Variants in DMWD observed in about 807,000 individuals in gnomAD.
The protein encoded by DMWD is dystrophia myotonica WD repeat-containing protein.
Under a neutral mutation model 45.8 loss-of-function variants are expected in DMWD, and 19 were observed. The observed-to-expected ratio is 0.41, with a 90% CI of 0.29 to 0.61. The LOEUF (loss-of-function observed/expected upper bound fraction) is 0.61. Ranked by LOEUF, DMWD falls within the 20% of genes least tolerant of loss-of-function variation. DMWD has a pLI of 0.25. For synonymous variants in DMWD, 515 were observed against 440.5 expected, an observed-to-expected ratio of 1.17 and a Z score of -2.12; for missense variants, 802 against 965.2, an observed-to-expected ratio of 0.83 and a Z score of 2.24.
At position 45,792,757 on chromosome 19, in the gene DMWD, CT is replaced by C; in HGVS notation, c.-2del. The C allele has an allele frequency of 8.9e-7, 1 of 1,128,696 alleles. No individual in the cohort carries two copies. Among genetic ancestry groups the C allele is most frequent in the Non-Finnish European group, 1.1e-6 (1 of 921,728 alleles). 69.9% of individuals were successfully genotyped at this position (1,128,696 alleles called of 1,614,324 possible). On this transcript the variant is annotated 5_prime_UTR_variant, in exon 1 of 5. Coordinates refer to ENST00000270223, the MANE Select transcript of DMWD (RefSeq NM_004943.2). The stretch of plus-strand genomic sequence containing the variant: ...CGCCCTCCGCGCCGCCCGCCGCCAT[CT>C]TGGGCGCCCCCCGGGCCCCGCCACT...
At position 45,791,490 on chromosome 19, in the gene DMWD, G is replaced by A. The variant is rs75285856; in HGVS notation, c.442-403C>T. On this transcript the variant is annotated intron_variant, in intron 1 of 4. Coordinates refer to ENST00000270223, the MANE Select transcript of DMWD (RefSeq NM_004943.2). ...CTATTCCAAGACCCCCAAACCTTGA[G>A]GTCACCCAAATTTCCAGGACTCTAA... 3.8e-3 allele frequency among the ~76,000 whole-genome samples: 584 copies of A among 152,126 alleles called. 15 individuals are homozygous for A. The East Asian group carries it at 0.052, about 14-fold the overall frequency.
rs774761042 is a variant in DMWD at position 45,786,519 on chromosome 19, A to C, written c.977T>G (p.Phe326Cys). The change falls in exon 3 of 5, where the codon TTT becomes TGT. Residue 326 changes from phenylalanine (F) to cysteine (C), a missense_variant. Coordinates refer to ENST00000270223, the MANE Select transcript of DMWD (RefSeq NM_004943.2). ...MLLRGLMKSY[F>C]GGLLCVCWSP... Reference sequence around the variant, plus strand: ...CCAGCACACACACAGCAGGCCCCCAAAGTAGCTCTTCATGAGCCCACGCAG... The same window carrying C: ...CCAGCACACACACAGCAGGCCCCCACAGTAGCTCTTCATGAGCCCACGCAG... 6.2e-7 allele frequency: 1 copy of C among 1,614,036 alleles called. No individual in the cohort carries two copies. The highest frequency in any genetic ancestry group is 1.1e-5 in the South Asian group (1 of 91,082).
chr19:45,783,391 A>G lies in DMWD; in HGVS notation c.*852T>C, dbSNP rs1970210347. The G allele has an allele frequency of 2.5e-6, 1 of 393,516 alleles. No homozygotes were observed. 24.4% of individuals were successfully genotyped at this position (393,516 alleles called of 1,614,324 possible). Reference sequence around the variant, plus strand: ...AGGCCTGAGAAACTAGGAGGCAAGGACCGAGGAGTCCCAGCTGGGCAGGGC... The same window carrying G: ...AGGCCTGAGAAACTAGGAGGCAAGGGCCGAGGAGTCCCAGCTGGGCAGGGC... On this transcript the variant is annotated 3_prime_UTR_variant, in exon 5 of 5. Coordinates refer to ENST00000270223, the MANE Select transcript of DMWD (RefSeq NM_004943.2).
intron 4 of DMWD, 87 bp downstream of exon 4, chr19:45,784,554 G>GGTAAGC (rs1568591144): frequency 6.2e-7 from 1 of 1,605,680 alleles, no homozygotes; most frequent in Admixed American, 1.7e-5. Flanking sequence ...TAAGGGTAAG[G>GGTAAGC]GTGGGAGGGG....
chr19:45,792,548 C>CCGGAGG lies in DMWD; in HGVS notation c.203_208dup (p.Ala68_Ser69dup). On this transcript the variant is annotated inframe_insertion, in exon 1 of 5. Transcript: ENST00000270223. The stretch of plus-strand genomic sequence containing the variant: ...CGACGCGGGGCCTGCAGCGCCGGGA[C>CCGGAGG]CGGAGGCGGAGGCAGGGCCGGGCGG... 8.5e-7 allele frequency: 1 copy of CCGGAGG among 1,176,954 alleles called. No individual in the cohort carries two copies. Among genetic ancestry groups the CCGGAGG allele is most frequent in the South Asian group, 3.0e-5 (1 of 33,206 alleles). The allele number at this position is 1,176,954 out of a possible 1,614,324, so 72.9% of individuals were successfully genotyped here.
Position 45,783,593 on chromosome 19 carries a change from C to T in DMWD, c.*650G>A, listed in dbSNP as rs979333811. On this transcript the variant is annotated 3_prime_UTR_variant, in exon 5 of 5. Coordinates refer to ENST00000270223, the MANE Select transcript of DMWD (RefSeq NM_004943.2). ...GTTCCCTCCCTGGGCTCCGGCTTTT[C>T]CTGCTATGAAAAGGGGTGGGAGGCG... The T allele has an allele frequency of 4.8e-5, 19 of 398,784 alleles. No individual in the cohort carries two copies. The highest frequency in any genetic ancestry group is 1.3e-3 in the Middle Eastern group (2 of 1,588). The allele number at this position is 398,784 out of a possible 1,614,324, so 24.7% of individuals were successfully genotyped here.
At chr19:45,786,979 C>T (rs1970289078) in intron 2 of DMWD, 108 bp from the exon 3 acceptor site, 3 of 1,494,190 alleles carry the variant, frequency 2.0e-6, no homozygotes, top group Non-Finnish European at 2.7e-6. Flanking sequence ...CCCGCTCACA[C>T]AGCAGGTGCC....
intron 1 of DMWD, among the ~76,000 whole-genome samples, chr19:45,791,934 A>G (rs1970360878): frequency 6.6e-6 from 1 of 151,986 alleles, no homozygotes; most frequent in Admixed American, 6.6e-5. Flanking sequence ...CCAGGCTGCA[A>G]TACTGGGTTC....
rs1301628474 is a variant in DMWD at position 45,783,431 on chromosome 19, C to T, written c.*812G>A. 7.6e-6 allele frequency: 3 copies of T among 396,756 alleles called. No homozygotes were observed. Among genetic ancestry groups the T allele is most frequent in the Admixed American group, 4.4e-5 (1 of 22,680 alleles). 24.6% of individuals were successfully genotyped at this position (396,756 alleles called of 1,614,324 possible). On this transcript the variant is annotated 3_prime_UTR_variant, in exon 5 of 5. Transcript: ENST00000270223. ...CTGGGCAGGGCCTGGGAAACGTGGTCCTGGGCAGTTCTGATAATTTAAAAA... is the reference window on the plus strand; with the variant it reads ...CTGGGCAGGGCCTGGGAAACGTGGTTCTGGGCAGTTCTGATAATTTAAAAA...
Position 45,786,280 on chromosome 19 carries a change from C to T in DMWD, c.1216G>A (p.Glu406Lys), listed in dbSNP as rs781251907. ...RSGEEEEEEP[E>K]AAGTGSAGGA... ...CCGGCCGAGCCTGTGCCCGCAGCCT[C>T]GGGCTCCTCCTCCTCCTCTTCGCCG... is the stretch of plus-strand genomic sequence containing the variant. The change falls in exon 3 of 5, where the codon GAG (glutamate) becomes AAG (lysine). Residue 406 changes from glutamate to lysine, a missense_variant. Physicochemically the swap from Glu to Lys is moderately conservative, Grantham distance 56 (BLOSUM62 1). This residue lies in a region of DMWD where 67 missense variants were observed against 57.9 expected (regional missense o/e 1.16). Transcript: ENST00000270223. 12 of 1,605,148 alleles carry T rather than the reference C, an allele frequency of 7.5e-6. No individual in the cohort carries two copies. Among genetic ancestry groups the T allele is most frequent in the Middle Eastern group, 1.7e-4 (1 of 6,052 alleles).
chr19:45,784,059 G>C lies in DMWD; in HGVS notation c.*184C>G, dbSNP rs756085834. Reference sequence around the variant, plus strand: ...TGGGGGACAAGGCTGAGGCCACAAGGGCTATTACATCGCCCGTGTCCGGGC... The same window carrying C: ...TGGGGGACAAGGCTGAGGCCACAAGCGCTATTACATCGCCCGTGTCCGGGC... On this transcript the variant is annotated 3_prime_UTR_variant, in exon 5 of 5. Transcript: ENST00000270223. 3 of 655,090 alleles carry C rather than the reference G, an allele frequency of 4.6e-6. No individual in the cohort carries two copies. Among genetic ancestry groups the C allele is most frequent in the Non-Finnish European group, 8.2e-6 (3 of 367,824 alleles). 40.6% of individuals were successfully genotyped at this position (655,090 alleles called of 1,614,324 possible).
chr19:45,792,518 G>A lies in DMWD; in HGVS notation c.239C>T (p.Pro80Leu). 1.4e-5 allele frequency: 16 copies of A among 1,137,434 alleles called. No individual in the cohort carries two copies. The highest frequency in any genetic ancestry group is 1.7e-5 in the African/African-American group (1 of 60,534). 70.5% of individuals were successfully genotyped at this position (1,137,434 alleles called of 1,614,324 possible). A position where few individuals can be genotyped will look rare whatever the true frequency, so the allele number is the denominator to read the frequency against. ...GPGAAGPASS[P>L]PPAGPGPGPA... ...CCCGGGTCCGGGGCCTGCGGGCGGC[G>A]GGGACGACGCGGGGCCTGCAGCGCC... The change falls in exon 1 of 5, where the codon CCG (proline) becomes CTG (leucine). Residue 80 changes from proline (P) to leucine (L), a missense_variant. Physicochemically the swap from Pro to Leu is moderately conservative, Grantham distance 98 (BLOSUM62 -3). This residue lies in a region of DMWD where 151 missense variants were observed against 128.1 expected (regional missense o/e 1.18). Transcript: ENST00000270223.
chr19:45,784,035 G>A lies in DMWD; in HGVS notation c.*208C>T. The A allele has an allele frequency of 1.6e-6, 1 of 644,568 alleles. No homozygotes were observed. The highest frequency in any genetic ancestry group is 2.7e-6 in the Non-Finnish European group (1 of 364,160). 39.9% of individuals were successfully genotyped at this position (644,568 alleles called of 1,614,324 possible). ...GAGGTCATTGTACTTGGCAGTGGGT[G>A]GGGGACAAGGCTGAGGCCACAAGGG... On this transcript the variant is annotated 3_prime_UTR_variant, in exon 5 of 5. Transcript: ENST00000270223.
In DMWD at chr19:45,792,720, C is replaced by G. The variant is rs1970370290; in HGVS notation, c.37G>C (p.Gly13Arg). 3 of 1,201,554 alleles carry G rather than the reference C, an allele frequency of 2.5e-6. No homozygotes were observed. Among genetic ancestry groups the G allele is most frequent in the Non-Finnish European group, 3.1e-6 (3 of 954,156 alleles). 74.4% of individuals were successfully genotyped at this position (1,201,554 alleles called of 1,614,324 possible). A position where few individuals can be genotyped will look rare whatever the true frequency, so the allele number is the denominator to read the frequency against. Reference sequence around the variant, plus strand: ...TCCGCGCAGTCCCCCATGGCGGCGCCGGGGCCCGAGCCGCCCTCCGCGCCG... The same window carrying G: ...TCCGCGCAGTCCCCCATGGCGGCGCGGGGGCCCGAGCCGCCCTCCGCGCCG... ...AGGAEGGSGP[G>R]AAMGDCAEIK... Residue 13 changes from glycine (G) to arginine (R), a missense_variant, in exon 1 of 5, where the codon GGC becomes CGC. Physicochemically the swap from Gly to Arg is moderately radical, Grantham distance 125 (BLOSUM62 -2). Transcript: ENST00000270223.
Position 45,787,076 on chromosome 19 carries a change from A to G in DMWD, c.625-205T>C, listed in dbSNP as rs1336331560. 3.1e-6 allele frequency: 3 copies of G among 957,516 alleles called. No individual in the cohort carries two copies. The African/African-American group carries it at 5.0e-5, about 16-fold the overall frequency. 59.3% of individuals were successfully genotyped at this position (957,516 alleles called of 1,614,324 possible). ...AGGTCATGGAAACATGGGGAAACAG[A>G]GGCTGCTGCAAGGTGGCCACAGGGT... On this transcript the variant is annotated intron_variant, in intron 2 of 4. Transcript: ENST00000270223.
rs756207803 is a variant in DMWD at position 45,792,299 on chromosome 19, C to T, written c.441+17G>A. The T allele has an allele frequency of 2.5e-6, 4 of 1,601,228 alleles. No homozygotes were observed. Among genetic ancestry groups the T allele is most frequent in the South Asian group, 1.1e-5 (1 of 90,212 alleles). On this transcript the variant is annotated intron_variant, in intron 1 of 4. Coordinates refer to ENST00000270223, the MANE Select transcript of DMWD (RefSeq NM_004943.2). ...CATCCTTTCAGCACCCAGGGCCCCA[C>T]GATGCAGGCCGCTCACCCGTTGGCT...
intron 2 of DMWD, among the ~76,000 whole-genome samples, chr19:45,788,194 T>C (rs780034768): frequency 2.0e-5 from 3 of 152,210 alleles, no homozygotes; most frequent in Non-Finnish European, 4.4e-5. Context: ...CCTGGGCCTG[T>C]CTGTCCTCTG....
intron 4 of DMWD, 122 bp downstream of exon 4, chr19:45,784,519 G>A: frequency 6.7e-7 from 1 of 1,503,704 alleles, no homozygotes; most frequent in South Asian, 1.2e-5. Flanking sequence ...AAAGTCCTTG[G>A]CGGATCCTGA....
chr19:45,785,569 G>A (rs764861343), intron 3 of DMWD, 25 bp downstream of exon 3: 32 of 1,450,758 alleles, frequency 2.2e-5, no homozygotes, highest in South Asian at 3.0e-5. Context: ...CCAGGTCCCC[G>A]GCAGGCTGGT....
Sources: allele counts gnomAD v4.1 joint callset (sites outside exome capture counted in the v4.1 genomes callset), GRCh38; gene constraint gnomAD v4.1.1; regional missense constraint gnomAD v4.1.1; transcripts MANE v1.5; gene names NCBI Gene and HGNC (gene_info 2026-07-23, HGNC 2026-07-21).